The following DDX54 variants were observed in gnomAD, a reference collection of about 807,000 sequenced individuals.
DDX54 encodes DEAD-box helicase 54, also known as ATP-dependent RNA helicase DDX54.
DDX54 carries 67 observed loss-of-function variants against 105.5 expected under a neutral mutation model. The ratio of observed to expected loss-of-function variants is 0.64; its 90% CI spans 0.52 to 0.78. The LOEUF (loss-of-function observed/expected upper bound fraction) is 0.78. DDX54 is among the 30% of genes least tolerant of loss of function. The pLI is 0.00. For synonymous variants in DDX54, 514 were observed against 509.9 expected (o/e 1.01, Z -0.11); for missense variants, 1,206 against 1,230.5 (o/e 0.98, Z 0.30).
rs111405240 is a variant in DDX54 at position 113,157,739 on chromosome 12, C to T, written c.*1138G>A. On this transcript the variant is annotated 3_prime_UTR_variant, in exon 20 of 20. Coordinates refer to ENST00000306014, the MANE Select transcript of DDX54 (RefSeq NM_024072.4). ...CTGAGAGACCCTGAGATAGGAGGGC[C>T]CACATTTCCAATGGGGTGTGGACTG... 1,250 of 1,348,026 alleles carry T rather than the reference C, an allele frequency of 9.3e-4. 15 individuals carry two copies. In the East Asian group the frequency reaches 0.012, roughly 13 times the overall value. The allele number at this position is 1,348,026 out of a possible 1,614,324, so 83.5% of individuals were successfully genotyped here.
In DDX54 at chr12:113,161,479, C is replaced by A. The variant is rs909577958; in HGVS notation, c.2301-97G>T. On this transcript the variant is annotated intron_variant, in intron 18 of 19. Transcript: ENST00000306014. ...GCAGACAGAGTTCCGTTATCCCAGC[C>A]GCAGCTGAAGCTGCTCGGCCCCGCC... 5.0e-6 allele frequency: 5 copies of A among 995,658 alleles called. No homozygotes were observed. The Admixed American group carries it at 1.1e-4, about 22-fold the overall frequency. The allele number at this position is 995,658 out of a possible 1,614,324, so 61.7% of individuals were successfully genotyped here. A position where few individuals can be genotyped will look rare whatever the true frequency, so the allele number is the denominator to read the frequency against.
intron 18 of DDX54, 113 bp downstream of exon 18, chr12:113,161,780 G>GCCCCCCCCCCCCCCCCC: frequency 1.2e-5 from 3 of 254,868 alleles, no homozygotes; most frequent in South Asian, 3.5e-5. Flanking sequence ...AAGCCGCTCA[G>GCCCCCCCCCCCCCCCCC]CCCCGCCCCC....
intron 7 of DDX54, among the ~76,000 whole-genome samples, chr12:113,175,598 C>G (rs1424157411): frequency 6.6e-6 from 1 of 152,186 alleles, no homozygotes; most frequent in Non-Finnish European, 1.5e-5. Context: ...ACCATCCTGG[C>G]TAACACAGTG....
rs771160251 is a variant in DDX54 at position 113,164,083 on chromosome 12, GCCTCCT to G, written c.1916_1921del (p.Glu639_Glu640del). 5.8e-6 allele frequency: 9 copies of G among 1,548,396 alleles called. No individual in the cohort carries two copies. The highest frequency in any genetic ancestry group is 1.7e-4 in the Middle Eastern group (1 of 5,970). On this transcript the variant is annotated inframe_deletion, in exon 15 of 20. Coordinates refer to ENST00000306014, the MANE Select transcript of DDX54 (RefSeq NM_024072.4). ...AACCTGTACCTCCACACTCTCTCCC[GCCTCCT>G]CCTCCTCCTCCTTCTCAGGCTGCTT...
At chr12:113,177,398 C>G (rs551390905) in intron 5 of DDX54, 14 of 336,350 alleles carry the variant, frequency 4.2e-5, no homozygotes, top group African/African-American at 2.9e-4. Flanking sequence ...CCACAGTGCC[C>G]CCAGCAACTA....
chr12:113,158,897 T>C lies in DDX54; in HGVS notation c.2626A>G (p.Lys876Glu), dbSNP rs773237388. 6.2e-7 allele frequency: 1 copy of C among 1,605,672 alleles called. No individual in the cohort carries two copies. Among genetic ancestry groups the C allele is most frequent in the African/African-American group, 1.3e-5 (1 of 74,914 alleles). ...FGRGARSKKG[K>E]MRKRM ...GGTCCTCACATCCTCTTCCGCATCT[T>C]GCCCTTCTTGGAGCGGGCACCCCGG... Residue 876 changes from lysine to glutamate, a missense_variant, in exon 20 of 20, where the codon AAG becomes GAG. This residue lies in a region of DDX54 where 961 missense variants were observed against 1,019.1 expected (regional missense o/e 0.94). Transcript: ENST00000306014. This position sits in a 1 kb window ranked among gnomAD's most constrained non-coding sequence, Gnocchi z 4.9.
rs181075738 is a variant in DDX54, at chr12:113,160,228, C to T, written c.2413+1042G>A. Among the ~76,000 whole-genome samples, 385 of 152,208 alleles carry T rather than the reference C, an allele frequency of 2.5e-3. 1 individual carries two copies. Among genetic ancestry groups the T allele is most frequent in the African/African-American group, 8.9e-3 (371 of 41,530 alleles). ...CAGAGAACAGGCCCAGGCAAATGCACGCAGGCTCACAGAGACACCCAGGGG... is the reference window on the plus strand; with the variant it reads ...CAGAGAACAGGCCCAGGCAAATGCATGCAGGCTCACAGAGACACCCAGGGG... On this transcript the variant is annotated intron_variant, in intron 19 of 19. Coordinates refer to ENST00000306014, the MANE Select transcript of DDX54 (RefSeq NM_024072.4).
rs202142459 is a variant in DDX54 at position 113,175,111 on chromosome 12, G to T, written c.799C>A (p.Arg267Ser). The T allele has an allele frequency of 1.2e-6, 2 of 1,613,510 alleles. No individual in the cohort carries two copies. Among genetic ancestry groups the T allele is most frequent in the African/African-American group, 2.7e-5 (2 of 74,912 alleles). The change falls in exon 8 of 20, where the codon CGC becomes AGC. Residue 267 changes from arginine (R) to serine (S), a missense_variant. This residue lies in a region of DDX54 where 961 missense variants were observed against 1,019.1 expected (regional missense o/e 0.94). Coordinates refer to ENST00000306014, the MANE Select transcript of DDX54 (RefSeq NM_024072.4). ...ACCGTCTGGTGGCCCCCGGGGAGGC[G>T]GGCGATGATCTCCTGCAGCTGCTCT... ...FAEQLQEIIA[R>S]LPGGHQTVLF...
chr12:113,184,991 C>A (rs1952510580), intron 1 of DDX54, among the ~76,000 whole-genome samples: 1 of 152,182 alleles, frequency 6.6e-6, no homozygotes, highest in African/African-American at 2.4e-5. Context: ...AGCCAGGATC[C>A]GCCCCACGAG....
intron 1 of DDX54, among the ~76,000 whole-genome samples, chr12:113,184,825 C>CA (rs908305784): frequency 1.3e-5 from 2 of 151,928 alleles, no homozygotes; most frequent in Non-Finnish European, 2.9e-5. Context: ...GACTCTGTCT[C>CA]AAAAAAAATT....
At chr12:113,161,536 C>G in intron 18 of DDX54, 154 bp from the exon 19 acceptor site, 2 of 628,476 alleles carry the variant, frequency 3.2e-6, no homozygotes. Context: ...ATTGGAGATG[C>G]TGTTGCTGAA....
Position 113,163,173 on chromosome 12 carries a change from G to C in DDX54, c.2040C>G (p.Phe680Leu), listed in dbSNP as rs183460780. ...REEARQRDQE[F>L]YIPYRPKDFD... The stretch of plus-strand genomic sequence containing the variant: ...AGTCCTTGGGCCGGTAGGGGATGTA[G>C]AATTCCTGGTCCCGCTGCCGGGCCT... The change falls in exon 16 of 20, where the codon TTC becomes TTG. Residue 680 changes from phenylalanine (F) to leucine (L), a missense_variant. By Grantham distance (22) the Phe-to-Leu change is conservative. Coordinates refer to ENST00000306014, the MANE Select transcript of DDX54 (RefSeq NM_024072.4). The surrounding 1 kb of genome is among the most constrained non-coding windows in gnomAD (Gnocchi z 5.9). 4 of 1,613,114 alleles carry C rather than the reference G, an allele frequency of 2.5e-6. No homozygotes were observed. In the Admixed American group the frequency reaches 6.7e-5, roughly 27 times the overall value.
rs143591906 is a variant in DDX54 at position 113,169,314 on chromosome 12, C to T, written c.1414+456G>A. Among the ~76,000 whole-genome samples the T allele has an allele frequency of 3.7e-4, 56 of 152,202 alleles. 1 individual carries two copies. In the East Asian group the frequency reaches 9.5e-3, roughly 26 times the overall value. On this transcript the variant is annotated intron_variant, in intron 12 of 19. Coordinates refer to ENST00000306014, the MANE Select transcript of DDX54 (RefSeq NM_024072.4). ...CTCCAGCCTGAGCAAGAGTAAGACCCCGTCTCGTTAAAAAATAGAAGGAAT... is the reference window on the plus strand; with the variant it reads ...CTCCAGCCTGAGCAAGAGTAAGACCTCGTCTCGTTAAAAAATAGAAGGAAT...
chr12:113,175,019 AC>A lies in DDX54; in HGVS notation c.874+16del. ...AGCCTGACCCCCAGCCCCCATCTCC[AC>A]CCCCAGCTCACGCACCAGCCCGGGC... On this transcript the variant is annotated intron_variant, in intron 8 of 19. Coordinates refer to ENST00000306014, the MANE Select transcript of DDX54 (RefSeq NM_024072.4). 1.9e-6 allele frequency: 3 copies of A among 1,608,914 alleles called. No individual in the cohort carries two copies. Among genetic ancestry groups the A allele is most frequent in the South Asian group, 1.1e-5 (1 of 90,892 alleles).
chr12:113,180,701 G>A (rs1293905716), intron 2 of DDX54, among the ~76,000 whole-genome samples: 1 of 152,152 alleles, frequency 6.6e-6, no homozygotes, highest in Non-Finnish European at 1.5e-5. Context: ...GTCTTTGCCT[G>A]TTCCTGCATC....
At chr12:113,161,459 C>CA (rs1418504031) in intron 18 of DDX54, 77 bp from the exon 19 acceptor site, 2 of 1,193,866 alleles carry the variant, frequency 1.7e-6, no homozygotes, top group Admixed American at 4.0e-5. Context: ...CCCCAGCAGA[C>CA]AGAGTTCCGT....
chr12:113,179,369 TC>T, intron 3 of DDX54, 38 bp from the exon 4 acceptor site: 1 of 1,599,522 alleles, frequency 6.3e-7, no homozygotes, highest in Non-Finnish European at 8.5e-7. Flanking sequence ...GGTCAGCTCC[TC>T]CCCAAACACC....
intron 10 of DDX54, among the ~76,000 whole-genome samples, chr12:113,172,829 G>A (rs1169026316): frequency 6.6e-6 from 1 of 152,234 alleles, no homozygotes; most frequent in Non-Finnish European, 1.5e-5. Flanking sequence ...AGCTGCAAAT[G>A]CCACCTCAGT....
chr12:113,176,466 C>T (rs574827187), intron 7 of DDX54, among the ~76,000 whole-genome samples: 1 of 152,248 alleles, frequency 6.6e-6, no homozygotes, highest in South Asian at 2.1e-4. Context: ...ACACAGGAGG[C>T]TAAGGCAGGA....
Sources: gnomAD v4.1 joint callset for allele counts (sites outside exome capture counted in the v4.1 genomes callset) on GRCh38, gnomAD v4.1.1 for gene constraint, gnomAD v4.1.1 regional missense constraint, Gnocchi (gnomAD v3.1) non-coding constraint, MANE v1.5 for transcripts, NCBI Gene and HGNC (gene_info 2026-07-23, HGNC 2026-07-21) for gene names.